ZNF626: variants seen among roughly 807,000 people sequenced by gnomAD.
ZNF626 encodes the protein CTC-513N18.7.
Under a neutral mutation model 11.7 loss-of-function variants are expected in ZNF626, and 4 were observed. That is an observed-to-expected ratio of 0.34 (90% confidence interval 0.17 to 0.78). The LOEUF is 0.78. Among genes scored for constraint, ZNF626 ranks in the 30% least tolerant of loss-of-function variants. The pLI, the probability that ZNF626 is intolerant of heterozygous loss-of-function variation, is 0.57. For synonymous variants in ZNF626, 179 were observed against 198.6 expected, an observed-to-expected ratio of 0.90 and a Z score of 0.83; for missense variants, 588 against 587.1, an observed-to-expected ratio of 1.00 and a Z score of -0.01.
Position 20,620,837 on chromosome 19 carries a change from G to A in ZNF626, c.*3453C>T, listed in dbSNP as rs113630255. The A allele has an allele frequency of 0.12, 14,217 of 120,440 alleles. 738 individuals carry two copies. The highest frequency in any genetic ancestry group is 0.2 in the Middle Eastern group (49 of 242). The allele number at this position is 120,440 out of a possible 1,614,324, so 7.5% of individuals were successfully genotyped here. A position where few individuals can be genotyped will look rare whatever the true frequency, so the allele number is the denominator to read the frequency against. On this transcript the variant is annotated 3_prime_UTR_variant, in exon 4 of 4. Transcript: ENST00000601440. ...TAGGCATGAGGCACTGCACATGGCC[G>A]TATTTTTTCTTTTTTTTTTTGTGAC...
chr19:20,661,393 G>A (rs782124621), intron 1 of ZNF626, 51 bp downstream of exon 1: 11 of 1,612,856 alleles, frequency 6.8e-6, no homozygotes, highest in Admixed American at 6.7e-5. Context: ...ACTTTTCACC[G>A]GTTCCAACCA....
intron 3 of ZNF626, chr19:20,645,280 C>T (rs1247433680): frequency 5.4e-6 from 8 of 1,488,684 alleles, no homozygotes; most frequent in African/African-American, 4.5e-5. Flanking sequence ...CTATTACTCT[C>T]AGACATTTCA....
intron 3 of ZNF626, among the ~76,000 whole-genome samples, chr19:20,627,165 A>G (rs1278753858): frequency 6.6e-6 from 1 of 152,212 alleles, no homozygotes; most frequent in African/African-American, 2.4e-5. Context: ...AAACAATTGA[A>G]AAATTTCTTA....
chr19:20,655,173 T>C (rs964378919), intron 1 of ZNF626, among the ~76,000 whole-genome samples: 1 of 152,028 alleles, frequency 6.6e-6, no homozygotes, highest in African/African-American at 2.4e-5. Context: ...CAAAGATAAC[T>C]GCTAATTGCT....
intron 1 of ZNF626, among the ~76,000 whole-genome samples, chr19:20,657,997 G>A (rs1970223380): frequency 1.3e-5 from 2 of 151,954 alleles, no homozygotes; most frequent in South Asian, 4.2e-4. Context: ...CTGTTCGGTG[G>A]TATGCTTAGT....
chr19:20,642,340 C>T (rs2144780824), intron 3 of ZNF626, among the ~76,000 whole-genome samples: 1 of 152,274 alleles, frequency 6.6e-6, no homozygotes, highest in South Asian at 2.1e-4. Flanking sequence ...TGGCTCATGA[C>T]TATAATTGCA....
At chr19:20,626,744 A>C (rs888282905) in intron 3 of ZNF626, among the ~76,000 whole-genome samples, 3 of 152,124 alleles carry the variant, frequency 2.0e-5, no homozygotes, top group Admixed American at 1.3e-4. Context: ...GCTGGGCGCA[A>C]TGGCTCATGC....
In ZNF626 at chr19:20,623,902, A is replaced by T; in HGVS notation, c.*388T>A. 2.9e-6 allele frequency: 1 copy of T among 348,152 alleles called. No individual in the cohort carries two copies. The highest frequency in any genetic ancestry group is 5.6e-6 in the Non-Finnish European group (1 of 178,222). 21.6% of individuals were successfully genotyped at this position (348,152 alleles called of 1,614,324 possible). A position where few individuals can be genotyped will look rare whatever the true frequency, so the allele number is the denominator to read the frequency against. ...TGAATTATGTGTAATAAAGGTTGAG[A>T]AGTTCCTTAAAAAATCTGTCACATT... On this transcript the variant is annotated 3_prime_UTR_variant, in exon 4 of 4. Transcript: ENST00000601440.
chr19:20,630,557 T>C (rs1969891538), intron 3 of ZNF626, among the ~76,000 whole-genome samples: 1 of 152,024 alleles, frequency 6.6e-6, no homozygotes, highest in Non-Finnish European at 1.5e-5. Flanking sequence ...ATTTTCTAGT[T>C]TATTTGCATA....
chr19:20,647,973 G>A (rs1970101351), intron 1 of ZNF626, among the ~76,000 whole-genome samples: 1 of 152,062 alleles, frequency 6.6e-6, no homozygotes, highest in African/African-American at 2.4e-5. Context: ...AAGGTCAGGA[G>A]TTCGAGACCA....
At chr19:20,638,583 A>G (rs978390596) in intron 3 of ZNF626, among the ~76,000 whole-genome samples, 34 of 152,218 alleles carry the variant, frequency 2.2e-4, no homozygotes, top group African/African-American at 7.9e-4. Flanking sequence ...GGAAAAACGT[A>G]TATTCCATGA....
Position 20,624,140 on chromosome 19 carries a change from G to C in ZNF626, c.*150C>G. 10 of 1,289,388 alleles carry C rather than the reference G, an allele frequency of 7.8e-6. No individual in the cohort carries two copies. The highest frequency in any genetic ancestry group is 1.1e-5 in the Non-Finnish European group (10 of 886,606). The allele number at this position is 1,289,388 out of a possible 1,614,324, so 79.9% of individuals were successfully genotyped here. On this transcript the variant is annotated 3_prime_UTR_variant, in exon 4 of 4. Transcript: ENST00000601440. ...GTATGAAATCTCTTATGTGTAGTAA[G>C]TTTAGAGGAGTGCTTAAAGGCTTTG...
chr19:20,646,137 C>T (rs1412244287), intron 2 of ZNF626, 142 bp downstream of exon 2: 1 of 1,101,588 alleles, frequency 9.1e-7, no homozygotes, highest in African/African-American at 1.6e-5. Flanking sequence ...AAATTCTTTT[C>T]TAAACGAACA....
intron 3 of ZNF626, among the ~76,000 whole-genome samples, chr19:20,634,327 A>G (rs1376682313): frequency 6.6e-6 from 1 of 152,104 alleles, no homozygotes; most frequent in Non-Finnish European, 1.5e-5. Context: ...GGTATAGAGA[A>G]CACTCCTCGA....
intron 3 of ZNF626, among the ~76,000 whole-genome samples, chr19:20,631,758 T>C (rs1410541594): frequency 4.0e-5 from 6 of 151,520 alleles, no homozygotes; most frequent in Admixed American, 3.9e-4. Flanking sequence ...CCAGTCTGTG[T>C]CTTTTAATTG....
chr19:20,634,017 G>A, intron 3 of ZNF626, among the ~76,000 whole-genome samples: 1 of 152,134 alleles, frequency 6.6e-6, no homozygotes, highest in East Asian at 1.9e-4. Flanking sequence ...GTTAAAAACT[G>A]TCATACTTTA....
At chr19:20,650,911 G>A (rs1970139148) in intron 1 of ZNF626, among the ~76,000 whole-genome samples, 1 of 152,246 alleles carries the variant, frequency 6.6e-6, no homozygotes, top group African/African-American at 2.4e-5. Flanking sequence ...AAATACGGCT[G>A]GGCCTGGTGG....
chr19:20,632,723 A>G (rs1047835418), intron 3 of ZNF626, among the ~76,000 whole-genome samples: 1 of 151,994 alleles, frequency 6.6e-6, no homozygotes, highest in African/African-American at 2.4e-5. Flanking sequence ...CTTCTTTGCC[A>G]TTAGTTCGAA....
intron 1 of ZNF626, among the ~76,000 whole-genome samples, chr19:20,650,433 C>T (rs1057347378): frequency 1.8e-4 from 27 of 152,138 alleles, no homozygotes; most frequent in African/African-American, 6.3e-4. Context: ...TCTGCAAACA[C>T]TGGTTTTAAT....
Sources: gnomAD v4.1 joint callset for allele counts (sites outside exome capture counted in the v4.1 genomes callset) on GRCh38, gnomAD v4.1.1 for gene constraint, MANE v1.5 for transcripts, NCBI Gene and HGNC (gene_info 2026-07-23, HGNC 2026-07-21) for gene names.